Variants in CCDC102B observed in about 807,000 individuals in gnomAD.
CCDC102B encodes coiled-coil domain-containing protein 102B.
Under a neutral mutation model 57.4 loss-of-function variants are expected in CCDC102B, and 75 were observed. The ratio of observed to expected loss-of-function variants is 1.31; its 90% confidence interval spans 1.08 to 1.58. The LOEUF is 1.58. CCDC102B is among the 40% of genes most tolerant of loss of function. CCDC102B has a pLI of 0.00. For missense variants in CCDC102B, 636 were observed against 582.6 expected (o/e 1.09, Z -0.94); for synonymous variants, 206 against 201.9 (o/e 1.02, Z -0.17).
At chr18:68,806,282 G>T (rs1177237460) in intron 1 of CCDC102B, among the ~76,000 whole-genome samples, 1 of 151,904 alleles carries the variant, frequency 6.6e-6, no homozygotes, top group African/African-American at 2.4e-5. Context: ...AGATAAGAAT[G>T]CTCAGCAAAC....
intron 6 of CCDC102B, among the ~76,000 whole-genome samples, chr18:69,001,029 G>A (rs563407891): frequency 2.6e-5 from 4 of 152,202 alleles, no homozygotes; most frequent in Admixed American, 2.6e-4. Flanking sequence ...TGTGAGGCAA[G>A]CCAATGCACC....
chr18:68,864,608 A>G (rs2038897362), intron 4 of CCDC102B, among the ~76,000 whole-genome samples: 1 of 151,942 alleles, frequency 6.6e-6, no homozygotes, highest in African/African-American at 2.4e-5. Flanking sequence ...CTATTTCTAT[A>G]GTGGGCATAT....
At chr18:68,824,414 C>T (rs1339776497) in intron 1 of CCDC102B, among the ~76,000 whole-genome samples, 1 of 152,178 alleles carries the variant, frequency 6.6e-6, no homozygotes, top group Non-Finnish European at 1.5e-5. Context: ...TTGGCAAAGT[C>T]TTTAGGGTTT....
At chr18:68,991,049 T>G (rs1203582547) in intron 6 of CCDC102B, among the ~76,000 whole-genome samples, 1 of 151,994 alleles carries the variant, frequency 6.6e-6, no homozygotes, top group Non-Finnish European at 1.5e-5. Context: ...TTAATTTTTA[T>G]GAACATTAAT....
rs61714863 is a variant in CCDC102B, at chr18:68,810,680, G to GTTTTTTTT, written c.-16+12519_-16+12526dup. ...TGAAAAATTTTCTTTTCTTTTCTTT[G>GTTTTTTTT]TTTTTTTTTTTTTTTTTTTTTTTTT... On this transcript the variant is annotated intron_variant, in intron 1 of 7. Transcript: ENST00000360242. Among the ~76,000 whole-genome samples, 61 of 77,048 alleles carry GTTTTTTTT rather than the reference G, an allele frequency of 7.9e-4. 1 individual carries two copies. Among genetic ancestry groups the GTTTTTTTT allele is most frequent in the African/African-American group, 2.3e-3 (45 of 19,690 alleles). 50.5% of individuals were successfully genotyped at this position (77,048 alleles called of 152,430 possible). A position where few individuals can be genotyped will look rare whatever the true frequency, so the allele number is the denominator to read the frequency against.
chr18:68,990,410 G>A (rs6566402), intron 6 of CCDC102B, among the ~76,000 whole-genome samples: 130,321 of 152,160 alleles, frequency 0.86, 57,820 homozygotes, highest in Non-Finnish European at 0.97. Flanking sequence ...TCTGTTTATC[G>A]TGACTTCTTG....
chr18:68,941,145 T>G (rs542145535), intron 6 of CCDC102B, among the ~76,000 whole-genome samples: 80 of 151,720 alleles, frequency 5.3e-4, no homozygotes, highest in African/African-American at 1.9e-3. Context: ...GTTGTATTTA[T>G]TTATAATATT....
intron 1 of CCDC102B, among the ~76,000 whole-genome samples, chr18:68,815,334 G>T (rs2036430819): frequency 6.6e-6 from 1 of 152,080 alleles, no homozygotes; most frequent in Non-Finnish European, 1.5e-5. Context: ...ACTTGTTATG[G>T]CCCAATGGAC....
At chr18:68,789,189 C>G (rs977188988) in intron 2 of CCDC102B, among the ~76,000 whole-genome samples, 2 of 152,106 alleles carry the variant, frequency 1.3e-5, no homozygotes, top group Non-Finnish European at 2.9e-5. Context: ...GCGTTTCTGC[C>G]GAGAGATCTG....
chr18:68,837,034 AC>A lies in CCDC102B; in HGVS notation c.273del (p.Met92CysfsTer34). On this transcript the variant is annotated frameshift_variant, in exon 2 of 8. Transcript: ENST00000360242. LOFTEE classifies it high-confidence loss of function. ...GGCCAGAGCTGCTCAGATGGAAAAG[AC>A]CATGCGGTGGTGGTCGGACTGCACT... ...VKARAAQMEK[T>X]MRWWSDCTAN... is the part of the protein sequence containing the mutation. 1 of 1,614,166 alleles carries A rather than the reference AC, an allele frequency of 6.2e-7. No homozygotes were observed. Among genetic ancestry groups the A allele is most frequent in the Middle Eastern group, 1.6e-4 (1 of 6,062 alleles).
At chr18:69,011,193 G>C in intron 7 of CCDC102B, 89 bp downstream of exon 7, 2 of 1,120,470 alleles carry the variant, frequency 1.8e-6, no homozygotes, top group Admixed American at 5.0e-5. Flanking sequence ...TTAACATATG[G>C]CATTAATGGG....
chr18:68,805,937 C>A (rs1246551762), intron 1 of CCDC102B, among the ~76,000 whole-genome samples: 1 of 152,156 alleles, frequency 6.6e-6, no homozygotes, highest in African/African-American at 2.4e-5. Context: ...ATCTCATTTA[C>A]TTTTCTCTCT....
intron 6 of CCDC102B, among the ~76,000 whole-genome samples, chr18:68,910,392 T>A (rs1310493647): frequency 2.6e-5 from 4 of 152,178 alleles, no homozygotes; most frequent in Non-Finnish European, 5.9e-5. Context: ...TACAGCAGAA[T>A]TGGCAGATAT....
At chr18:68,911,708 C>A (rs1215721022) in intron 6 of CCDC102B, among the ~76,000 whole-genome samples, 2 of 124,086 alleles carry the variant, frequency 1.6e-5, no homozygotes, top group Non-Finnish European at 3.2e-5. Flanking sequence ...GCCGAGATCG[C>A]GCCACTGCAC....
rs188235270 is a variant in CCDC102B at position 68,785,398 on chromosome 18, G to A, written c.-66-37968G>A. Among the ~76,000 whole-genome samples the A allele has an allele frequency of 2.7e-3, 407 of 152,210 alleles. 1 individual carries two copies. Among genetic ancestry groups the A allele is most frequent in the Middle Eastern group, 6.8e-3 (2 of 294 alleles). ...TCCAGTTCTAGATCCCTGAGGAATC[G>A]CCACATTGACTTCCACAATGGTTGA... On this transcript the variant is annotated intron_variant, in intron 2 of 3. Transcript: ENST00000578970.
intron 4 of CCDC102B, among the ~76,000 whole-genome samples, chr18:68,853,610 C>T (rs962816963): frequency 3.3e-4 from 44 of 134,384 alleles, no homozygotes; most frequent in Middle Eastern, 4.0e-3. Context: ...CCAAAATTTG[C>T]GAATTGTTTT....
At chr18:69,046,049 G>A (rs1020155100) in intron 7 of CCDC102B, among the ~76,000 whole-genome samples, 4 of 152,082 alleles carry the variant, frequency 2.6e-5, no homozygotes, top group African/African-American at 9.7e-5. Context: ...GAATTGTGCT[G>A]CAATGAACAT....
chr18:69,045,194 G>A (rs1327570224), intron 7 of CCDC102B, among the ~76,000 whole-genome samples: 1 of 151,806 alleles, frequency 6.6e-6, no homozygotes, highest in Non-Finnish European at 1.5e-5. Flanking sequence ...GAATTGGAGG[G>A]AACACAATTC....
At chr18:69,001,767 T>C (rs1396840595) in intron 6 of CCDC102B, among the ~76,000 whole-genome samples, 1 of 152,132 alleles carries the variant, frequency 6.6e-6, no homozygotes, top group Non-Finnish European at 1.5e-5. Flanking sequence ...ATTAGTTGGA[T>C]GAATGAGTGG....
Sources: allele counts gnomAD v4.1 joint callset (sites outside exome capture counted in the v4.1 genomes callset), GRCh38; gene constraint gnomAD v4.1.1; transcripts MANE v1.5; gene names NCBI Gene and HGNC (gene_info 2026-07-23, HGNC 2026-07-21).